The following LSAMP variants were observed in gnomAD, a reference collection of about 807,000 sequenced individuals.
The protein encoded by LSAMP is limbic system-associated membrane protein.
Under a neutral mutation model 38.6 loss-of-function variants are expected in LSAMP, and 7 were observed. The ratio of observed to expected loss-of-function variants is 0.18; its 90% CI spans 0.10 to 0.34. The LOEUF is 0.34. Among genes scored for constraint, LSAMP ranks in the 10% least tolerant of loss-of-function variants. LSAMP has a pLI of 1.00. For missense variants in LSAMP, 313 were observed against 420.0 expected (o/e 0.75, Z 2.23); for synonymous variants, 154 against 166.8 (o/e 0.92, Z 0.59).
intron 1 of LSAMP, among the ~76,000 whole-genome samples, chr3:116,390,782 A>T (rs887963292): frequency 6.6e-6 from 1 of 150,784 alleles, no homozygotes; most frequent in Non-Finnish European, 1.5e-5. Flanking sequence ...ACGTGCTTAC[A>T]GTAACAATAA....
chr3:116,368,815 T>G (rs2048392383), intron 1 of LSAMP, among the ~76,000 whole-genome samples: 1 of 152,224 alleles, frequency 6.6e-6, no homozygotes, highest in African/African-American at 2.4e-5. Flanking sequence ...AAAATTCATC[T>G]AGGGTTGTTT....
At chr3:115,968,667 G>A (rs1158678931) in intron 3 of LSAMP, among the ~76,000 whole-genome samples, 5 of 152,176 alleles carry the variant, frequency 3.3e-5, no homozygotes, top group Non-Finnish European at 5.9e-5. Flanking sequence ...GGTTTGGGGA[G>A]GGATGGTGCA....
intron 1 of LSAMP, among the ~76,000 whole-genome samples, chr3:116,245,812 G>A (rs1300205453): frequency 6.6e-6 from 1 of 152,054 alleles, no homozygotes; most frequent in African/African-American, 2.4e-5. Context: ...AAAGAGAGAA[G>A]GGAAAAAGAA....
intron 2 of LSAMP, among the ~76,000 whole-genome samples, chr3:116,068,229 A>T (rs1048205494): frequency 1.3e-5 from 2 of 152,226 alleles, no homozygotes; most frequent in Admixed American, 6.5e-5. Context: ...ATGCTTCAGG[A>T]TATTAAAGAA....
chr3:115,944,695 T>C (rs1291785619), intron 3 of LSAMP, among the ~76,000 whole-genome samples: 4 of 152,214 alleles, frequency 2.6e-5, no homozygotes. Flanking sequence ...ATTCACATTT[T>C]ATGAATAAAG....
At chr3:116,358,276 C>T (rs764660557) in intron 1 of LSAMP, among the ~76,000 whole-genome samples, 2 of 152,140 alleles carry the variant, frequency 1.3e-5, no homozygotes, top group Non-Finnish European at 2.9e-5. Flanking sequence ...AGAAAGGCAA[C>T]ACAAGAATTT....
intron 2 of LSAMP, among the ~76,000 whole-genome samples, chr3:116,079,974 A>G (rs1172772497): frequency 2.0e-5 from 3 of 152,200 alleles, no homozygotes; most frequent in Non-Finnish European, 4.4e-5. Context: ...CTATTTAAAC[A>G]TATTTGAAAG....
At chr3:116,413,353 A>C (rs1483303024) in intron 1 of LSAMP, among the ~76,000 whole-genome samples, 1 of 152,102 alleles carries the variant, frequency 6.6e-6, no homozygotes, top group African/African-American at 2.4e-5. Context: ...TAATAAAATA[A>C]CATTAAAAAC....
At chr3:116,354,382 C>T (rs2048191033) in intron 1 of LSAMP, among the ~76,000 whole-genome samples, 1 of 152,134 alleles carries the variant, frequency 6.6e-6, no homozygotes, top group Non-Finnish European at 1.5e-5. Flanking sequence ...TTACTTAGTT[C>T]AGGCCTTGTC....
chr3:116,354,364 C>T (rs751955274), intron 1 of LSAMP, among the ~76,000 whole-genome samples: 1 of 152,162 alleles, frequency 6.6e-6, no homozygotes, highest in Non-Finnish European at 1.5e-5. Flanking sequence ...CACCTTGTTA[C>T]AAACACCTTA....
chr3:116,436,633 C>A (rs2049352833), intron 1 of LSAMP, among the ~76,000 whole-genome samples: 1 of 152,040 alleles, frequency 6.6e-6, no homozygotes, highest in Non-Finnish European at 1.5e-5. Context: ...AATGTGATAC[C>A]ACCTTACTCC....
intron 1 of LSAMP, among the ~76,000 whole-genome samples, chr3:116,382,842 G>C (rs895943058): frequency 2.0e-5 from 3 of 152,120 alleles, no homozygotes; most frequent in Non-Finnish European, 2.9e-5. Flanking sequence ...AGGTGAAAAA[G>C]GGCAAAGTGC....
chr3:116,353,629 C>T (rs895459146), intron 1 of LSAMP, among the ~76,000 whole-genome samples: 2 of 151,958 alleles, frequency 1.3e-5, no homozygotes, highest in African/African-American at 4.8e-5. Flanking sequence ...TAGTACAAAC[C>T]TCTTTCCAGA....
chr3:116,110,070 G>A (rs375999485), intron 1 of LSAMP, among the ~76,000 whole-genome samples: 1 of 151,870 alleles, frequency 6.6e-6, no homozygotes, highest in African/African-American at 2.4e-5. Flanking sequence ...GGAATTGGGG[G>A]TTCTTGCCCC....
At chr3:116,028,344 G>A (rs987966373) in intron 2 of LSAMP, among the ~76,000 whole-genome samples, 4 of 152,124 alleles carry the variant, frequency 2.6e-5, no homozygotes, top group Admixed American at 2.0e-4. Flanking sequence ...ACTGGGAAAT[G>A]TAGCACAGTG....
intron 1 of LSAMP, among the ~76,000 whole-genome samples, chr3:116,350,651 C>G (rs2048126429): frequency 6.6e-6 from 1 of 151,312 alleles, no homozygotes; most frequent in East Asian, 1.9e-4. Flanking sequence ...TTAATAATGG[C>G]CCCAAGGCAC....
intron 1 of LSAMP, among the ~76,000 whole-genome samples, chr3:116,302,985 G>T (rs1024704506): frequency 5.3e-5 from 8 of 152,068 alleles, no homozygotes; most frequent in Admixed American, 3.3e-4. Context: ...AAACTACTTT[G>T]ACATTTGCCA....
intron 3 of LSAMP, among the ~76,000 whole-genome samples, chr3:115,928,560 C>T (rs1937526294): frequency 6.6e-6 from 1 of 152,214 alleles, no homozygotes; most frequent in Admixed American, 6.5e-5. Flanking sequence ...AAGATGAGAA[C>T]TTCCTTTAAA....
chr3:116,141,077 T>C (rs183538956), intron 1 of LSAMP, among the ~76,000 whole-genome samples: 11 of 152,064 alleles, frequency 7.2e-5, no homozygotes, highest in Non-Finnish European at 1.0e-4. Context: ...TGTGTTAGAA[T>C]TGATGACTTA....
Sources: gnomAD v4.1 joint callset for allele counts (sites outside exome capture counted in the v4.1 genomes callset) on GRCh38, gnomAD v4.1.1 for gene constraint, MANE v1.5 for transcripts, NCBI Gene and HGNC (gene_info 2026-07-23, HGNC 2026-07-21) for gene names.